Variants in CUL1 observed in about 807,000 individuals in gnomAD.
CUL1 encodes the protein cullin 1, also known as cullin-1.
CUL1 carries 24 observed loss-of-function variants against 118.0 expected under a neutral mutation model. The ratio of observed to expected loss-of-function variants is 0.20; its 90% confidence interval spans 0.15 to 0.29. The LOEUF is 0.29. Among genes scored for constraint, CUL1 ranks in the 10% least tolerant of loss-of-function variants. The probability of loss-of-function intolerance (pLI) is 1.00; values close to 1 mark genes in which losing one functional copy is unlikely to be tolerated. For missense variants in CUL1, 361 were observed against 933.8 expected, an observed-to-expected ratio of 0.39 and a Z score of 7.99; for synonymous variants, 332 against 340.4, an observed-to-expected ratio of 0.98 and a Z score of 0.27.
chr7:148,730,363 T>C, intron 2 of CUL1, 101 bp downstream of exon 2: 2 of 1,297,608 alleles, frequency 1.5e-6, no homozygotes, highest in Non-Finnish European at 2.1e-6. Context: ...TCCTCCCAGT[T>C]CATCATGTAA....
intron 11 of CUL1, among the ~76,000 whole-genome samples, chr7:148,785,860 G>C (rs1223391760): frequency 6.6e-6 from 1 of 152,136 alleles, no homozygotes; most frequent in Admixed American, 6.5e-5. Context: ...CCTGACCCAA[G>C]AGTGCCAAGA....
At chr7:148,720,630 G>T (rs534168144) in intron 1 of CUL1, among the ~76,000 whole-genome samples, 8 of 152,300 alleles carry the variant, frequency 5.3e-5, no homozygotes, top group African/African-American at 1.7e-4. Context: ...TAACTCCTAG[G>T]ATTCCAAGCT....
chr7:148,788,557 C>T lies in CUL1; in HGVS notation c.1480C>T (p.Gln494Ter). The change falls in exon 14 of 22, where the codon CAA becomes TAA. Residue 494 changes from glutamine to a stop codon, truncating the protein, a stop_gained and splice_region_variant. Transcript: ENST00000325222. LOFTEE classifies it high-confidence loss of function. ...AEASMISKLK[Q>*]ACGFEYTSKL... ...AGACAGTCATCTGGGTTCTTCTCAGCAAGCTTGCGGGTTCGAGTACACCTC... is the reference window on the plus strand; with the variant it reads ...AGACAGTCATCTGGGTTCTTCTCAGTAAGCTTGCGGGTTCGAGTACACCTC... The T allele has an allele frequency of 6.2e-7, 1 of 1,607,884 alleles. No homozygotes were observed. The highest frequency in any genetic ancestry group is 8.5e-7 in the Non-Finnish European group (1 of 1,175,632).
At chr7:148,784,552 C>CCT (rs1160365854) in intron 11 of CUL1, among the ~76,000 whole-genome samples, 1 of 152,078 alleles carries the variant, frequency 6.6e-6, no homozygotes, top group African/African-American at 2.4e-5. Flanking sequence ...ATAGCTTTCT[C>CCT]CTCTGCGTGT....
At chr7:148,748,252 T>TTA (rs1421718507) in intron 2 of CUL1, among the ~76,000 whole-genome samples, 4 of 152,168 alleles carry the variant, frequency 2.6e-5, no homozygotes, top group African/African-American at 9.6e-5. Context: ...TATCAGATAA[T>TTA]ACTAGACTCA....
intron 9 of CUL1, among the ~76,000 whole-genome samples, chr7:148,773,093 C>T (rs981427245): frequency 1.3e-5 from 2 of 152,126 alleles, no homozygotes; most frequent in African/African-American, 4.8e-5. Flanking sequence ...TTAGCAGTTT[C>T]GTCTTTCAGA....
intron 9 of CUL1, among the ~76,000 whole-genome samples, chr7:148,777,484 C>T (rs1800440129): frequency 1.3e-5 from 2 of 152,110 alleles, no homozygotes; most frequent in Non-Finnish European, 2.9e-5. Flanking sequence ...TAGATGTCAA[C>T]CAGTGGTTTA....
Position 148,786,471 on chromosome 7 carries a change from T to A in CUL1, c.1299-80T>A, listed in dbSNP as rs1392418180. 4 of 1,093,002 alleles carry A rather than the reference T, an allele frequency of 3.7e-6. No individual in the cohort carries two copies. In the East Asian group the frequency reaches 9.4e-5, roughly 26 times the overall value. The allele number at this position is 1,093,002 out of a possible 1,614,324, so 67.7% of individuals were successfully genotyped here. On this transcript the variant is annotated intron_variant, in intron 11 of 21. Transcript: ENST00000325222. The stretch of plus-strand genomic sequence containing the variant: ...TGATGAGAACTGATCTTTTGAATGC[T>A]TGAAGCTGCATTCTGGCTAAGTGGT...
At chr7:148,714,590 T>C (rs1258448131) in intron 1 of CUL1, among the ~76,000 whole-genome samples, 1 of 152,218 alleles carries the variant, frequency 6.6e-6, no homozygotes, top group Admixed American at 6.5e-5. Flanking sequence ...TAAGAGAATC[T>C]GAATAGCAGT....
intron 2 of CUL1, among the ~76,000 whole-genome samples, chr7:148,737,578 A>T (rs201885466): frequency 3.6e-4 from 24 of 67,170 alleles, no homozygotes; most frequent in East Asian, 2.9e-3. Context: ...ATATTTTTAT[A>T]TTTATTTATT....
chr7:148,790,555 A>G, intron 16 of CUL1, 114 bp downstream of exon 16: 1 of 892,194 alleles, frequency 1.1e-6, no homozygotes, highest in East Asian at 2.6e-5. Flanking sequence ...CTTCTGGTGA[A>G]ATAGTGGCAG....
In CUL1 at chr7:148,724,527, G is replaced by A. The variant is rs148369073; in HGVS notation, c.-161-5435G>A. ...TAGTGTGTGTGTGGAAGCACAGCTG[G>A]CTCTGCCATTGCTTCTTGTCCTTGA... On this transcript the variant is annotated intron_variant, in intron 1 of 21. Transcript: ENST00000325222. Among the ~76,000 whole-genome samples the A allele has an allele frequency of 5.0e-3, 759 of 152,280 alleles. 4 individuals carry two copies. Among genetic ancestry groups the A allele is most frequent in the African/African-American group, 0.016 (677 of 41,556 alleles).
At chr7:148,791,379 C>A (rs1425899903) in intron 16 of CUL1, among the ~76,000 whole-genome samples, 1 of 152,212 alleles carries the variant, frequency 6.6e-6, no homozygotes, top group Non-Finnish European at 1.5e-5. Context: ...CGTAAATCTA[C>A]TGTGACTTAA....
At chr7:148,763,509 G>A (rs1329119159) in intron 7 of CUL1, among the ~76,000 whole-genome samples, 1 of 152,148 alleles carries the variant, frequency 6.6e-6, no homozygotes, top group African/African-American at 2.4e-5. Context: ...CATTTATTAG[G>A]GGGATGACCT....
intron 1 of CUL1, among the ~76,000 whole-genome samples, chr7:148,716,488 C>A (rs545444299): frequency 5.5e-4 from 84 of 152,240 alleles, no homozygotes; most frequent in African/African-American, 1.8e-3. Flanking sequence ...TTTTTTGTCC[C>A]ATCTACATTG....
intron 1 of CUL1, among the ~76,000 whole-genome samples, chr7:148,720,108 A>T (rs1341855322): frequency 6.6e-6 from 1 of 152,244 alleles, no homozygotes; most frequent in Non-Finnish European, 1.5e-5. Context: ...ATAGTTAATA[A>T]GCTGACATGG....
chr7:148,797,934 C>T lies in CUL1; in HGVS notation c.1948-3C>T, dbSNP rs1801263629. ...TTGTAGAGTAACAATTGTTTTCTTA[C>T]AGGTCTTGGAAGATGAAAATGCAAA... On this transcript the variant is annotated splice_region_variant and splice_polypyrimidine_tract_variant and intron_variant, in intron 18 of 21. Coordinates refer to ENST00000325222, the MANE Select transcript of CUL1 (RefSeq NM_003592.3). The T allele has an allele frequency of 1.9e-6, 3 of 1,612,264 alleles. No homozygotes were observed. The East Asian group carries it at 6.7e-5, about 36-fold the overall frequency.
intron 9 of CUL1, 58 bp from the exon 10 acceptor site, chr7:148,783,725 A>G: frequency 6.3e-7 from 1 of 1,585,766 alleles, no homozygotes; most frequent in South Asian, 1.1e-5. Context: ...TGTATACCTT[A>G]ATACACAATT....
chr7:148,774,242 C>T (rs1800324740), intron 9 of CUL1, among the ~76,000 whole-genome samples: 1 of 152,096 alleles, frequency 6.6e-6, no homozygotes, highest in South Asian at 2.1e-4. Flanking sequence ...GGGGTACGAT[C>T]GGCTAGTAAC....
Sources: gnomAD v4.1 joint callset for allele counts (sites outside exome capture counted in the v4.1 genomes callset) on GRCh38, gnomAD v4.1.1 for gene constraint, MANE v1.5 for transcripts, NCBI Gene and HGNC (gene_info 2026-07-23, HGNC 2026-07-21) for gene names.